The following TTC8 variants were observed in gnomAD, a reference collection of about 807,000 sequenced individuals.
TTC8 encodes tetratricopeptide repeat domain 8.
Under a neutral mutation model 72.5 loss-of-function variants are expected in TTC8, and 47 were observed. The ratio of observed to expected loss-of-function variants is 0.65; its 90% CI spans 0.51 to 0.83. The LOEUF (loss-of-function observed/expected upper bound fraction) is 0.83, where lower values mean the gene tolerates loss of function less well. Ranked by LOEUF, TTC8 falls within the 40% of genes least tolerant of loss-of-function variation. The pLI, the probability that TTC8 is intolerant of heterozygous loss-of-function variation, is 0.00. For missense variants in TTC8, 611 were observed against 623.2 expected (o/e 0.98, Z 0.21); for synonymous variants, 199 against 221.4 (o/e 0.90, Z 0.90).
At chr14:88,844,623 T>C (rs1595947196) in intron 7 of TTC8, among the ~76,000 whole-genome samples, 1 of 152,032 alleles carries the variant, frequency 6.6e-6, no homozygotes, top group East Asian at 1.9e-4. Flanking sequence ...CGGCTCACTG[T>C]AGCCTTGACT....
chr14:88,858,550 T>A (rs2094867914), intron 9 of TTC8, among the ~76,000 whole-genome samples: 1 of 152,066 alleles, frequency 6.6e-6, no homozygotes, highest in Non-Finnish European at 1.5e-5. Flanking sequence ...TTTGAAACTA[T>A]CTGGTATCTA....
intron 8 of TTC8, 48 bp downstream of exon 8, chr14:88,853,104 G>C: frequency 7.0e-7 from 1 of 1,422,672 alleles, no homozygotes; most frequent in South Asian, 1.2e-5. Context: ...ACGTATTTTA[G>C]GGTCTCAAAT....
At chr14:88,866,190 A>C (rs1302745044) in intron 10 of TTC8, among the ~76,000 whole-genome samples, 2 of 152,178 alleles carry the variant, frequency 1.3e-5, no homozygotes, top group African/African-American at 4.8e-5. Context: ...AAGATTGATA[A>C]ATTTGAGAAT....
intron 10 of TTC8, among the ~76,000 whole-genome samples, chr14:88,864,990 G>A (rs1367129723): frequency 2.0e-5 from 3 of 152,076 alleles, no homozygotes; most frequent in African/African-American, 7.2e-5. Flanking sequence ...CATTGTTGAA[G>A]ATATCTTTTA....
chr14:88,866,382 AACACACACACACAC>A (rs10553603), intron 10 of TTC8, among the ~76,000 whole-genome samples: 4 of 146,574 alleles, frequency 2.7e-5, no homozygotes, highest in East Asian at 4.0e-4. Flanking sequence ...GGGAGATTTA[AACACACACACACAC>A]ACACACACAC....
chr14:88,852,972 C>T lies in TTC8; in HGVS notation c.626C>T (p.Ala209Val), dbSNP rs1228820676. The change falls in exon 8 of 15, where the codon GCT becomes GTT. Residue 209 changes from alanine to valine, a missense_variant and splice_region_variant. By Grantham distance (64) the Ala-to-Val change is moderately conservative. Transcript: ENST00000380656. ...ATCTAAAATGAATTGTTTTCAAAGG[C>T]TTTGGATCTGGCTGCCCTCTCCACA... ...IFHHENDVKT[A>V]LDLAALSTEH... 1 of 1,612,572 alleles carries T rather than the reference C, an allele frequency of 6.2e-7. No homozygotes were observed. The highest frequency in any genetic ancestry group is 8.5e-7 in the Non-Finnish European group (1 of 1,178,988).
intron 10 of TTC8, among the ~76,000 whole-genome samples, chr14:88,868,168 C>T (rs1479975378): frequency 6.6e-6 from 1 of 152,184 alleles, no homozygotes; most frequent in Non-Finnish European, 1.5e-5. Context: ...CTAATCTACC[C>T]TGTCACAAAC....
At chr14:88,830,964 CCCA>C (rs1413798447) in intron 1 of TTC8, 5 of 455,548 alleles carry the variant, frequency 1.1e-5, no homozygotes, top group Non-Finnish European at 1.8e-5. Flanking sequence ...TTGCTGTCAT[CCCA>C]CATACTCAGC....
At chr14:88,860,667 G>T (rs999180143) in intron 9 of TTC8, among the ~76,000 whole-genome samples, 3 of 152,128 alleles carry the variant, frequency 2.0e-5, no homozygotes, top group African/African-American at 7.2e-5. Context: ...ACTATTGCCA[G>T]TCTCTGGCAA....
chr14:88,847,271 C>G (rs1024314927), intron 7 of TTC8, among the ~76,000 whole-genome samples: 2 of 151,984 alleles, frequency 1.3e-5, no homozygotes, highest in African/African-American at 4.8e-5. Context: ...TAAAATAGAC[C>G]TGGGGAATAT....
intron 1 of TTC8, 147 bp downstream of exon 1, chr14:88,824,968 T>C (rs2094692179): frequency 1.3e-6 from 1 of 751,526 alleles, no homozygotes. Flanking sequence ...GAGCGAGACC[T>C]TGTGGAGCTG....
intron 8 of TTC8, among the ~76,000 whole-genome samples, chr14:88,853,476 G>T (rs998544192): frequency 7.2e-5 from 11 of 152,134 alleles, no homozygotes; most frequent in Non-Finnish European, 1.5e-4. Context: ...GAGATACTTT[G>T]TTCCTACATT....
At chr14:88,869,788 G>GCT (rs1166651466) in intron 10 of TTC8, among the ~76,000 whole-genome samples, 1 of 151,888 alleles carries the variant, frequency 6.6e-6, no homozygotes, top group East Asian at 1.9e-4. Flanking sequence ...CACTCTCCCT[G>GCT]CTCTCTCTCT....
At chr14:88,856,711 A>G (rs1017146812) in intron 8 of TTC8, among the ~76,000 whole-genome samples, 1 of 152,254 alleles carries the variant, frequency 6.6e-6, no homozygotes, top group Non-Finnish European at 1.5e-5. Flanking sequence ...GTATAACTAT[A>G]TTACCCAAGT....
Position 88,877,402 on chromosome 14 carries a change from A to G in TTC8, c.1540A>G (p.Met514Val). 2.5e-6 allele frequency: 4 copies of G among 1,612,940 alleles called. No individual in the cohort carries two copies. Among genetic ancestry groups the G allele is most frequent in the South Asian group, 1.1e-5 (1 of 91,054 alleles). Residue 514 changes from methionine (M) to valine (V), a missense_variant, in exon 15 of 15, where the codon ATG becomes GTG. Met to Val is a conservative substitution (Grantham distance 21). Coordinates refer to ENST00000380656, the MANE Select transcript of TTC8 (RefSeq NM_144596.4). ...TAAACAATTAAGGCAGCATTTTGCT[A>G]TGCTCTGATTGTTCCTTAGACCACA... The part of the protein sequence containing the change: ...LIKQLRQHFA[M>V]L
chr14:88,879,107 T>G (rs2094966458), downstream of TTC8: 1 of 152,042 alleles, frequency 6.6e-6, no homozygotes, highest in Non-Finnish European at 1.5e-5. Context: ...AATGATTCCA[T>G]TTTCCTAAGG....
At chr14:88,869,672 G>C (rs1044074027) in intron 10 of TTC8, among the ~76,000 whole-genome samples, 2 of 152,030 alleles carry the variant, frequency 1.3e-5, no homozygotes, top group Non-Finnish European at 2.9e-5. Flanking sequence ...TCTGCCCAGA[G>C]TGAGCTTCCC....
chr14:88,851,115 T>C (rs2094831558), intron 7 of TTC8, among the ~76,000 whole-genome samples: 1 of 152,154 alleles, frequency 6.6e-6, no homozygotes, highest in Admixed American at 6.6e-5. Context: ...CATGTGATGC[T>C]ACACTAGAGT....
At chr14:88,824,909 G>A in intron 1 of TTC8, 88 bp downstream of exon 1, 1 of 1,291,824 alleles carries the variant, frequency 7.7e-7, no homozygotes, top group Non-Finnish European at 1.1e-6. Flanking sequence ...GGGAGGCCGG[G>A]GAGGAAGGCC....
Sources: gnomAD v4.1 joint callset for allele counts (sites outside exome capture counted in the v4.1 genomes callset) on GRCh38, gnomAD v4.1.1 for gene constraint, MANE v1.5 for transcripts, NCBI Gene and HGNC (gene_info 2026-07-23, HGNC 2026-07-21) for gene names.